The following FRMD4A variants were observed in gnomAD, a reference collection of about 807,000 sequenced individuals.
FRMD4A encodes the protein FERM domain-containing protein 4A.
A neutral mutation model predicts 129.1 loss-of-function variants in FRMD4A; 29 were observed. The ratio of observed to expected loss-of-function variants is 0.22; its 90% confidence interval spans 0.17 to 0.31. FRMD4A has a LOEUF of 0.31. FRMD4A is among the 10% of genes least tolerant of loss of function. FRMD4A has a pLI of 1.00. For synonymous variants in FRMD4A, 634 were observed against 571.6 expected, an observed-to-expected ratio of 1.11 and a Z score of -1.56; for missense variants, 1,272 against 1,375.8, an observed-to-expected ratio of 0.92 and a Z score of 1.19.
intron 2 of FRMD4A, among the ~76,000 whole-genome samples, chr10:14,140,863 G>C (rs1378046806): frequency 6.6e-6 from 1 of 152,134 alleles, no homozygotes; most frequent in African/African-American, 2.4e-5. Context: ...TAGGGAGTTT[G>C]TCACCACCTC....
At position 14,278,859 on chromosome 10, in the gene FRMD4A, C is replaced by CT. The variant is rs535108424; in HGVS notation, c.45+51198dup. Among the ~76,000 whole-genome samples the CT allele has an allele frequency of 1.5e-4, 23 of 152,070 alleles. No homozygotes were observed. The South Asian group carries it at 4.2e-3, about 27-fold the overall frequency. On this transcript the variant is annotated intron_variant, in intron 2 of 24. Coordinates refer to ENST00000357447, the MANE Select transcript of FRMD4A (RefSeq NM_018027.5). ...GAGAGAGCAATCTTTTTATTTTCTG[C>CT]TTTTTTGCTTTTAATTTTGTGTACT...
intron 6 of FRMD4A, among the ~76,000 whole-genome samples, chr10:13,771,795 G>T (rs2092460547): frequency 6.6e-6 from 1 of 152,034 alleles, no homozygotes; most frequent in Non-Finnish European, 1.5e-5. Flanking sequence ...AGAGTGCATT[G>T]CCAGCTGGGT....
At chr10:14,316,524 A>AAAAAGAAG (rs556192567) in intron 2 of FRMD4A, among the ~76,000 whole-genome samples, 14 of 132,660 alleles carry the variant, frequency 1.1e-4, no homozygotes, top group South Asian at 7.5e-4. Flanking sequence ...AAAAAAAAAA[A>AAAAAGAAG]AAGAAGAAGA....
rs373156040 is a variant in FRMD4A, at chr10:14,051,377, A to G, written c.46-192465T>C. Among the ~76,000 whole-genome samples, 10 of 152,298 alleles carry G rather than the reference A, an allele frequency of 6.6e-5. No individual in the cohort carries two copies. The East Asian group carries it at 9.7e-4, about 15-fold the overall frequency. On this transcript the variant is annotated intron_variant, in intron 2 of 24. Transcript: ENST00000357447. ...GATCTATCTTAGCATTCTTGAGAGTATCTATGGCACAGCCCTGCCAGGTGT... is the reference window on the plus strand; with the variant it reads ...GATCTATCTTAGCATTCTTGAGAGTGTCTATGGCACAGCCCTGCCAGGTGT...
chr10:14,094,093 G>A (rs1267412501), intron 2 of FRMD4A, among the ~76,000 whole-genome samples: 1 of 152,230 alleles, frequency 6.6e-6, no homozygotes, highest in Admixed American at 6.5e-5. Flanking sequence ...CAAAGCCCCT[G>A]CCCGGGGGAA....
intron 2 of FRMD4A, among the ~76,000 whole-genome samples, chr10:13,938,386 C>A (rs577154404): frequency 1.3e-5 from 2 of 152,034 alleles, no homozygotes. Flanking sequence ...GGACTACAAG[C>A]GCACACCAAC....
chr10:13,732,530 T>C (rs948364735), intron 12 of FRMD4A, among the ~76,000 whole-genome samples: 11 of 152,176 alleles, frequency 7.2e-5, no homozygotes, highest in African/African-American at 2.4e-4. Context: ...CTTGTGTTGG[T>C]GCAACGTGAC....
In FRMD4A at chr10:13,645,664, T is replaced by G. The variant is rs2081076469; in HGVS notation, c.*1374A>C. The stretch of plus-strand genomic sequence containing the variant: ...TGGGCCCTTTGGGAGCTGATATTTT[T>G]TTCAACCCTGCTCTGCCTGTTGGCT... On this transcript the variant is annotated 3_prime_UTR_variant, in exon 25 of 25. Coordinates refer to ENST00000357447, the MANE Select transcript of FRMD4A (RefSeq NM_018027.5). 6.6e-6 allele frequency: 1 copy of G among 152,580 alleles called. No homozygotes were observed. Among genetic ancestry groups the G allele is most frequent in the African/African-American group, 2.4e-5 (1 of 41,454 alleles). 9.5% of individuals were successfully genotyped at this position (152,580 alleles called of 1,614,324 possible).
In FRMD4A at chr10:13,761,969, T is replaced by C. The variant is rs1056010654; in HGVS notation, c.442-300A>G. ...CATGTTCTAGATTAAAGATTCTAAATATGAACATGTATCTGGATAGAACTG... is the reference window on the plus strand; with the variant it reads ...CATGTTCTAGATTAAAGATTCTAAACATGAACATGTATCTGGATAGAACTG... On this transcript the variant is annotated intron_variant, in intron 7 of 24. Transcript: ENST00000357447. 3.3e-5 allele frequency among the ~76,000 whole-genome samples: 5 copies of C among 152,240 alleles called. No homozygotes were observed. The East Asian group carries it at 7.7e-4, about 23-fold the overall frequency.
intron 2 of FRMD4A, among the ~76,000 whole-genome samples, chr10:14,241,809 T>C (rs914858339): frequency 1.3e-5 from 2 of 151,342 alleles, no homozygotes; most frequent in Non-Finnish European, 2.9e-5. Flanking sequence ...TCTAGGAGTT[T>C]GTTGTCCATC....
intron 14 of FRMD4A, among the ~76,000 whole-genome samples, chr10:13,699,180 C>G (rs925187631): frequency 5.4e-5 from 8 of 149,306 alleles, no homozygotes; most frequent in African/African-American, 1.2e-4. Flanking sequence ...CTCAGCCTCC[C>G]TAGTAGCTGA....
chr10:14,223,032 C>T (rs775340246), intron 2 of FRMD4A, among the ~76,000 whole-genome samples: 31 of 152,110 alleles, frequency 2.0e-4, no homozygotes, highest in South Asian at 4.1e-4. Context: ...AGTTGCAGTG[C>T]GCTGAGATTG....
intron 2 of FRMD4A, among the ~76,000 whole-genome samples, chr10:14,153,469 CCTCCACACAGGG>C (rs1840442092): frequency 6.6e-6 from 1 of 152,136 alleles, no homozygotes; most frequent in Non-Finnish European, 1.5e-5. Flanking sequence ...GCCACAGGAA[CCTCCACACAGGG>C]CTCCAGGCAA....
Position 14,237,835 on chromosome 10 carries a change from T to C in FRMD4A, c.45+92223A>G, listed in dbSNP as rs144442807. On this transcript the variant is annotated intron_variant, in intron 2 of 24. Transcript: ENST00000357447. The stretch of plus-strand genomic sequence containing the variant: ...TTCTGGGTCTACGGAACACTGACTA[T>C]GATGAGGGTGCTAAGGCTGCTGGCG... Among the ~76,000 whole-genome samples the C allele has an allele frequency of 1.7e-3, 252 of 152,342 alleles. 1 individual carries two copies. Among genetic ancestry groups the C allele is most frequent in the African/African-American group, 5.9e-3 (245 of 41,582 alleles).
intron 2 of FRMD4A, among the ~76,000 whole-genome samples, chr10:13,914,023 C>A (rs569412914): frequency 6.6e-6 from 1 of 152,160 alleles, no homozygotes; most frequent in African/African-American, 2.4e-5. Flanking sequence ...ACCAACACCC[C>A]TCTCCCTCCC....
At chr10:14,206,286 G>T (rs1359860276) in intron 2 of FRMD4A, among the ~76,000 whole-genome samples, 1 of 152,150 alleles carries the variant, frequency 6.6e-6, no homozygotes, top group Admixed American at 6.5e-5. Context: ...AACCCAGTCA[G>T]CACTTAAGTT....
At chr10:14,252,404 G>A (rs1844469838) in intron 2 of FRMD4A, among the ~76,000 whole-genome samples, 1 of 152,172 alleles carries the variant, frequency 6.6e-6, no homozygotes, top group South Asian at 2.1e-4. Context: ...CAAAAATCAT[G>A]GGCTACATTT....
chr10:14,104,297 G>A (rs989131668), intron 2 of FRMD4A, among the ~76,000 whole-genome samples: 58 of 151,748 alleles, frequency 3.8e-4, no homozygotes, highest in South Asian at 6.3e-4. Flanking sequence ...TGCCATCGAC[G>A]TTACACCGCC....
At chr10:13,834,279 C>CAACAA (rs1172132194) in intron 3 of FRMD4A, among the ~76,000 whole-genome samples, 2 of 151,716 alleles carry the variant, frequency 1.3e-5, no homozygotes, top group Admixed American at 6.6e-5. Flanking sequence ...ACAACAACAA[C>CAACAA]AACAAAACAA....
Sources: allele counts gnomAD v4.1 joint callset (sites outside exome capture counted in the v4.1 genomes callset), GRCh38; gene constraint gnomAD v4.1.1; transcripts MANE v1.5; gene names NCBI Gene and HGNC (gene_info 2026-07-23, HGNC 2026-07-21).